Variants in DENND1B observed in about 807,000 individuals in gnomAD.
The protein encoded by DENND1B is DENN domain-containing protein 1B.
DENND1B carries 59 observed loss-of-function variants against 90.1 expected under a neutral mutation model. That is an observed-to-expected ratio of 0.65 (90% CI 0.53 to 0.81). DENND1B has a LOEUF of 0.81. DENND1B is among the 40% of genes least tolerant of loss of function. The probability of loss-of-function intolerance (pLI) is 0.00; values close to 1 mark genes in which losing one functional copy is unlikely to be tolerated. For missense variants in DENND1B, 862 were observed against 912.6 expected (o/e 0.94, Z 0.71); for synonymous variants, 337 against 324.6 (o/e 1.04, Z -0.41).
chr1:197,735,349 C>A (rs552742041), intron 2 of DENND1B: 1 of 1,319,956 alleles, frequency 7.6e-7, no homozygotes, highest in African/African-American at 1.5e-5. Context: ...CTACACAGCT[C>A]CACCTTGGCT....
At chr1:197,726,370 C>A (rs917330373) in intron 2 of DENND1B, among the ~76,000 whole-genome samples, 2 of 152,168 alleles carry the variant, frequency 1.3e-5, no homozygotes, top group African/African-American at 4.8e-5. Context: ...GCAACCCAGG[C>A]TGTGAAGGAT....
chr1:197,588,142 A>G (rs10922261), intron 14 of DENND1B, among the ~76,000 whole-genome samples: 23,866 of 152,172 alleles, frequency 0.16, 2,151 homozygotes, highest in Non-Finnish European at 0.2. Flanking sequence ...CCAACCCAGT[A>G]CCCTGCATTT....
chr1:197,707,330 G>C (rs1659648253), intron 3 of DENND1B, among the ~76,000 whole-genome samples: 1 of 151,886 alleles, frequency 6.6e-6, no homozygotes, highest in Admixed American at 6.6e-5. Flanking sequence ...ATAGATAGGA[G>C]GAATGGTGTT....
chr1:197,608,534 T>C (rs1384629268), intron 12 of DENND1B, among the ~76,000 whole-genome samples: 1 of 150,722 alleles, frequency 6.6e-6, no homozygotes, highest in Non-Finnish European at 1.5e-5. Context: ...TAACCTATTT[T>C]ATAAGTAAAA....
At chr1:197,647,803 C>A (rs1007758298) in intron 7 of DENND1B, among the ~76,000 whole-genome samples, 1 of 152,020 alleles carries the variant, frequency 6.6e-6, no homozygotes, top group South Asian at 2.1e-4. Context: ...ACAAAATTAG[C>A]CCGGTTTGGT....
chr1:197,604,319 C>T (rs1015194962), intron 13 of DENND1B, among the ~76,000 whole-genome samples: 1 of 151,188 alleles, frequency 6.6e-6, no homozygotes, highest in African/African-American at 2.4e-5. Flanking sequence ...ATCCTGAAAG[C>T]TTTGCCCTGA....
chr1:197,595,419 G>A, intron 13 of DENND1B, 86 bp from the exon 14 acceptor site: 3 of 1,499,108 alleles, frequency 2.0e-6, no homozygotes, highest in Non-Finnish European at 2.7e-6. Flanking sequence ...AAACCACAGT[G>A]TCTGTAGGTC....
At chr1:197,707,636 T>TTATATAATATACATATATTATATACA (rs1659705185) in intron 3 of DENND1B, among the ~76,000 whole-genome samples, 8 of 146,932 alleles carry the variant, frequency 5.4e-5, no homozygotes, top group East Asian at 2.0e-4. Flanking sequence ...AATACATATA[T>TTATATAATATACATATATTATATACA]TATATAATAT....
At chr1:197,668,380 GA>G (rs1558379776) in intron 5 of DENND1B, among the ~76,000 whole-genome samples, 2 of 151,706 alleles carry the variant, frequency 1.3e-5, no homozygotes, top group African/African-American at 4.8e-5. Flanking sequence ...ATTCTGGTGG[GA>G]AAGAAGGGAA....
chr1:197,700,883 G>A (rs1177712899), intron 3 of DENND1B, among the ~76,000 whole-genome samples: 1 of 152,130 alleles, frequency 6.6e-6, no homozygotes, highest in African/African-American at 2.4e-5. Flanking sequence ...ACCACAATGG[G>A]ATACCATCTC....
intron 2 of DENND1B, among the ~76,000 whole-genome samples, chr1:197,731,185 T>C (rs150042810): frequency 3.4e-4 from 51 of 152,166 alleles, no homozygotes; most frequent in African/African-American, 1.2e-3. Context: ...TAAAACAGAT[T>C]AGCAAAGAAC....
intron 3 of DENND1B, among the ~76,000 whole-genome samples, chr1:197,696,749 C>A (rs1658468897): frequency 6.6e-6 from 1 of 151,342 alleles, no homozygotes; most frequent in Non-Finnish European, 1.5e-5. Context: ...TCTGACTTGT[C>A]ACTCATTCAA....
At chr1:197,586,736 G>A (rs910211207) in intron 14 of DENND1B, among the ~76,000 whole-genome samples, 1 of 152,176 alleles carries the variant, frequency 6.6e-6, no homozygotes, top group African/African-American at 2.4e-5. Flanking sequence ...CAGGAAAAAG[G>A]TATTAAAGAA....
upstream of DENND1B, among the ~76,000 whole-genome samples, chr1:197,777,925 G>A (rs1194680834): frequency 2.6e-5 from 4 of 152,022 alleles, no homozygotes; most frequent in Non-Finnish European, 4.4e-5. Context: ...GATCAAATAC[G>A]ATGATTGTGT....
At chr1:197,560,527 G>A (rs1047344832) in intron 15 of DENND1B, among the ~76,000 whole-genome samples, 2 of 151,850 alleles carry the variant, frequency 1.3e-5, no homozygotes, top group African/African-American at 4.8e-5. Flanking sequence ...CATGAAGACA[G>A]CATTTAAGCC....
Position 197,560,423 on chromosome 1 carries a change from T to G in DENND1B, c.1150-7311A>C, listed in dbSNP as rs921356338. ...AATGATGTAGTATGTGAGAAAGTGATGAGTGTTAGAGAATAAGATAGACTT... is the reference window on the plus strand; with the variant it reads ...AATGATGTAGTATGTGAGAAAGTGAGGAGTGTTAGAGAATAAGATAGACTT... On this transcript the variant is annotated intron_variant, in intron 15 of 22. Transcript: ENST00000620048. 4.6e-5 allele frequency among the ~76,000 whole-genome samples: 7 copies of G among 151,766 alleles called. No homozygotes were observed. The South Asian group carries it at 1.0e-3, about 23-fold the overall frequency.
At chr1:197,572,521 G>A (rs1182421411) in intron 15 of DENND1B, among the ~76,000 whole-genome samples, 4 of 152,218 alleles carry the variant, frequency 2.6e-5, no homozygotes, top group Non-Finnish European at 2.9e-5. Flanking sequence ...AGAAACTTCT[G>A]CAGACTTAAA....
At chr1:197,591,120 C>T (rs1675163933) in intron 14 of DENND1B, among the ~76,000 whole-genome samples, 1 of 152,122 alleles carries the variant, frequency 6.6e-6, no homozygotes, top group African/African-American at 2.4e-5. Flanking sequence ...ATGAAAAATG[C>T]ACATTTTCAA....
chr1:197,539,093 A>G (rs1670134993), intron 20 of DENND1B, among the ~76,000 whole-genome samples: 1 of 152,182 alleles, frequency 6.6e-6, no homozygotes, highest in Admixed American at 6.5e-5. Context: ...AAGACCCTGG[A>G]AGCACCTTAT....
Sources: gnomAD v4.1 joint callset for allele counts (sites outside exome capture counted in the v4.1 genomes callset) on GRCh38, gnomAD v4.1.1 for gene constraint, MANE v1.5 for transcripts, NCBI Gene and HGNC (gene_info 2026-07-23, HGNC 2026-07-21) for gene names.